Variants in ASTN2 observed in about 807,000 individuals in gnomAD.
ASTN2 encodes the protein astrotactin-2.
In ASTN2, 54 loss-of-function variants were observed where a neutral mutation model predicts 139.8. The observed-to-expected ratio is 0.39, with a 90% CI of 0.31 to 0.48. The LOEUF is 0.48. Among genes scored for constraint, ASTN2 ranks in the 20% least tolerant of loss-of-function variants. The pLI, the probability that ASTN2 is intolerant of heterozygous loss-of-function variation, is 0.95. For synonymous variants in ASTN2, 756 were observed against 719.5 expected, an observed-to-expected ratio of 1.05 and a Z score of -0.81; for missense variants, 1,565 against 1,725.1, an observed-to-expected ratio of 0.91 and a Z score of 1.64.
chr9:116,703,195 A>G (rs1441204620), intron 16 of ASTN2, among the ~76,000 whole-genome samples: 1 of 151,574 alleles, frequency 6.6e-6, no homozygotes, highest in African/African-American at 2.4e-5. Flanking sequence ...ATGGTATCTC[A>G]TAGTGGTTTT....
At chr9:116,737,522 C>T (rs932518856) in intron 13 of ASTN2, among the ~76,000 whole-genome samples, 1 of 142,770 alleles carries the variant, frequency 7.0e-6, no homozygotes, top group African/African-American at 2.6e-5. Flanking sequence ...ACAACTAATT[C>T]GTATAATAGG....
chr9:116,958,957 G>A (rs1001754958), intron 10 of ASTN2, among the ~76,000 whole-genome samples: 3 of 152,132 alleles, frequency 2.0e-5, no homozygotes, highest in Non-Finnish European at 4.4e-5. Context: ...CTGCCATGTG[G>A]GGCCTCAATT....
At chr9:116,800,426 A>C (rs1459979882) in intron 13 of ASTN2, among the ~76,000 whole-genome samples, 1 of 152,198 alleles carries the variant, frequency 6.6e-6, no homozygotes, top group Non-Finnish European at 1.5e-5. Flanking sequence ...CACACAGTGC[A>C]AACCCTTGGA....
intron 5 of ASTN2, among the ~76,000 whole-genome samples, chr9:117,065,043 C>A (rs1424710770): frequency 6.6e-6 from 1 of 152,034 alleles, no homozygotes; most frequent in African/African-American, 2.4e-5. Flanking sequence ...GCCCTAAAGC[C>A]AATGATTGGT....
intron 5 of ASTN2, among the ~76,000 whole-genome samples, chr9:117,075,307 C>A (rs982336469): frequency 2.0e-5 from 3 of 152,136 alleles, no homozygotes; most frequent in African/African-American, 7.2e-5. Context: ...ATCAGCACAG[C>A]GTCAGCGCCT....
intron 10 of ASTN2, among the ~76,000 whole-genome samples, chr9:116,886,156 C>T (rs921571568): frequency 1.3e-5 from 2 of 152,144 alleles, no homozygotes; most frequent in Non-Finnish European, 2.9e-5. Context: ...ATCTACAGTC[C>T]CAGGAAACAT....
chr9:116,727,900 G>A (rs977857847), intron 15 of ASTN2, among the ~76,000 whole-genome samples: 3 of 152,166 alleles, frequency 2.0e-5, no homozygotes, highest in African/African-American at 4.8e-5. Context: ...ACAGATGTCA[G>A]CAATAATTAC....
chr9:116,607,505 G>C (rs1320258124), intron 19 of ASTN2, among the ~76,000 whole-genome samples: 2 of 152,108 alleles, frequency 1.3e-5, no homozygotes, highest in South Asian at 2.1e-4. Context: ...CCCTAGGCCA[G>C]ATAACCAAAA....
intron 5 of ASTN2, among the ~76,000 whole-genome samples, chr9:117,051,011 C>G (rs1838898644): frequency 6.6e-6 from 1 of 152,178 alleles, no homozygotes; most frequent in South Asian, 2.1e-4. Context: ...TCATAGAAGT[C>G]TGCCTTCACC....
chr9:117,402,179 GC>G (rs1236709516), intron 1 of ASTN2, among the ~76,000 whole-genome samples: 6 of 152,274 alleles, frequency 3.9e-5, no homozygotes, highest in Admixed American at 2.0e-4. Flanking sequence ...AGATTCTCCT[GC>G]CCCGGCCTCC....
At chr9:117,043,164 C>A (rs944616019) in intron 5 of ASTN2, among the ~76,000 whole-genome samples, 1 of 152,124 alleles carries the variant, frequency 6.6e-6, no homozygotes, top group Non-Finnish European at 1.5e-5. Flanking sequence ...AACCACCATG[C>A]CTGGCCAGCA....
At position 117,270,156 on chromosome 9, in the gene ASTN2, TA is replaced by T. The variant is rs928078489; in HGVS notation, c.630+21169del. On this transcript the variant is annotated intron_variant, in intron 2 of 22. Coordinates refer to ENST00000313400, the MANE Select transcript of ASTN2 (RefSeq NM_001365068.1). ...TCTCTGGGTATTAGTTTTTCTTGTT[TA>T]AAAAAATACTTTTTATGGTGGTAAG... Among the ~76,000 whole-genome samples, 4 of 152,184 alleles carry T rather than the reference TA, an allele frequency of 2.6e-5. 1 individual carries two copies. The highest frequency in any genetic ancestry group is 4.8e-5 in the African/African-American group (2 of 41,448).
intron 16 of ASTN2, among the ~76,000 whole-genome samples, chr9:116,706,960 T>C (rs1299555928): frequency 6.6e-6 from 1 of 151,952 alleles, no homozygotes; most frequent in East Asian, 1.9e-4. Context: ...CTGGGTCATG[T>C]GTCTTGGTCG....
intron 22 of ASTN2, among the ~76,000 whole-genome samples, chr9:116,428,283 T>C (rs1016314523): frequency 7.2e-5 from 11 of 152,214 alleles, no homozygotes; most frequent in African/African-American, 1.9e-4. Flanking sequence ...CCCAGCACTT[T>C]AGGAGGCCAA....
At chr9:116,864,688 T>C (rs12336607) in intron 10 of ASTN2, among the ~76,000 whole-genome samples, 2,780 of 152,272 alleles carry the variant, frequency 0.018, 40 homozygotes, top group East Asian at 0.073. Context: ...CTGTGCCTCA[T>C]GAGGCCCAGA....
chr9:117,080,955 G>A (rs1200939146), intron 5 of ASTN2, among the ~76,000 whole-genome samples: 4 of 152,174 alleles, frequency 2.6e-5, no homozygotes, highest in Non-Finnish European at 5.9e-5. Context: ...ACACCCAAAT[G>A]TAATGGATAG....
chr9:117,249,195 G>A (rs1833469259), intron 2 of ASTN2, among the ~76,000 whole-genome samples: 1 of 152,132 alleles, frequency 6.6e-6, no homozygotes, highest in African/African-American at 2.4e-5. Flanking sequence ...TTGGAGAGAA[G>A]AAGAAAGAAA....
At chr9:117,100,733 T>C in intron 4 of ASTN2, among the ~76,000 whole-genome samples, 1 of 152,214 alleles carries the variant, frequency 6.6e-6, no homozygotes, top group East Asian at 1.9e-4. Flanking sequence ...ATGTTCAATC[T>C]TAAAAAACAA....
chr9:116,818,792 G>A (rs1323279896), intron 12 of ASTN2, among the ~76,000 whole-genome samples: 1 of 152,138 alleles, frequency 6.6e-6, no homozygotes, highest in Non-Finnish European at 1.5e-5. Context: ...TCTATAGACA[G>A]ATATTACTAT....
Sources: gnomAD v4.1 joint callset for allele counts (sites outside exome capture counted in the v4.1 genomes callset) on GRCh38, gnomAD v4.1.1 for gene constraint, MANE v1.5 for transcripts, NCBI Gene and HGNC (gene_info 2026-07-23, HGNC 2026-07-21) for gene names.